The following PRKCA variants were observed in gnomAD, a reference collection of about 807,000 sequenced individuals.
PRKCA encodes protein kinase C alpha type.
PRKCA carries 27 observed loss-of-function variants against 87.0 expected under a neutral mutation model. That is an observed-to-expected ratio of 0.31 (90% confidence interval 0.23 to 0.43). The LOEUF is 0.43. PRKCA is among the 20% of genes least tolerant of loss of function. The probability of loss-of-function intolerance (pLI) is 1.00; values close to 1 mark genes in which losing one functional copy is unlikely to be tolerated. For synonymous variants in PRKCA, 329 were observed against 311.1 expected (o/e 1.06, Z -0.61); for missense variants, 518 against 852.3 (o/e 0.61, Z 4.88).
chr17:66,314,875 ATGTGTGTGTG>A (rs56889057), intron 2 of PRKCA, among the ~76,000 whole-genome samples: 6 of 148,560 alleles, frequency 4.0e-5, no homozygotes, highest in African/African-American at 1.2e-4. Flanking sequence ...ATATATATAT[ATGTGTGTGTG>A]TGTGTGTGTG....
chr17:66,566,245 AGGGAACGGGCAGATG>A (rs1055782587), intron 3 of PRKCA, among the ~76,000 whole-genome samples: 2 of 152,142 alleles, frequency 1.3e-5, no homozygotes, highest in Non-Finnish European at 1.5e-5. Flanking sequence ...GCCCCATCCC[AGGGAACGGGCAGATG>A]GGCTCTGTTG....
At chr17:66,407,457 C>T (rs1911482631) in intron 2 of PRKCA, among the ~76,000 whole-genome samples, 1 of 152,146 alleles carries the variant, frequency 6.6e-6, no homozygotes, top group African/African-American at 2.4e-5. Context: ...CCCCAGAAGC[C>T]AAGCGGAAGC....
intron 2 of PRKCA, among the ~76,000 whole-genome samples, chr17:66,407,215 T>G (rs1911465837): frequency 6.6e-6 from 1 of 152,080 alleles, no homozygotes. Flanking sequence ...AAATCTCATG[T>G]GGAACTGTGA....
chr17:66,372,655 T>C (rs1909184920), intron 2 of PRKCA, among the ~76,000 whole-genome samples: 1 of 152,224 alleles, frequency 6.6e-6, no homozygotes, highest in South Asian at 2.1e-4. Flanking sequence ...TCAGCAGTTT[T>C]CTCTGGGGAG....
chr17:66,522,648 G>A (rs1202302566), intron 3 of PRKCA, among the ~76,000 whole-genome samples: 1 of 152,038 alleles, frequency 6.6e-6, no homozygotes, highest in African/African-American at 2.4e-5. Context: ...AGCTGCCCAA[G>A]GCAAACTAGA....
At chr17:66,649,984 T>C (rs146913822) in intron 5 of PRKCA, among the ~76,000 whole-genome samples, 136 of 152,292 alleles carry the variant, frequency 8.9e-4, no homozygotes, top group African/African-American at 3.2e-3. Flanking sequence ...CTGTGGGAAT[T>C]AGCCTGGTGG....
intron 16 of PRKCA, among the ~76,000 whole-genome samples, chr17:66,795,423 A>G (rs890828434): frequency 6.6e-6 from 1 of 152,228 alleles, no homozygotes; most frequent in Admixed American, 6.5e-5. Flanking sequence ...CAGCCATTGG[A>G]GACTACAGAA....
chr17:66,793,547 GT>G, intron 16 of PRKCA, among the ~76,000 whole-genome samples: 1 of 134,740 alleles, frequency 7.4e-6, no homozygotes, highest in African/African-American at 2.7e-5. Context: ...CCCAGATTGC[GT>G]CATTGCACTA....
At chr17:66,539,537 G>A (rs1416711832) in intron 3 of PRKCA, among the ~76,000 whole-genome samples, 1 of 151,756 alleles carries the variant, frequency 6.6e-6, no homozygotes, top group Non-Finnish European at 1.5e-5. Flanking sequence ...CTGAGTAGCT[G>A]GGACTACAGG....
intron 14 of PRKCA, chr17:66,775,262 T>C: frequency 1.0e-6 from 1 of 984,904 alleles, no homozygotes; most frequent in Non-Finnish European, 1.2e-6. Flanking sequence ...CACAGGTTTC[T>C]CCTGTCCGTC....
At chr17:66,542,018 T>G (rs111293008) in intron 3 of PRKCA, among the ~76,000 whole-genome samples, 5 of 152,332 alleles carry the variant, frequency 3.3e-5, no homozygotes, top group African/African-American at 1.2e-4. Flanking sequence ...ATCAGGCAAT[T>G]GCAGAGTCCT....
chr17:66,799,890 G>C (rs922866987), intron 16 of PRKCA, among the ~76,000 whole-genome samples: 2 of 151,982 alleles, frequency 1.3e-5, no homozygotes, highest in African/African-American at 4.8e-5. Context: ...CGAATCTGGA[G>C]TAGAAATAGC....
intron 2 of PRKCA, among the ~76,000 whole-genome samples, chr17:66,446,355 G>C (rs950933657): frequency 6.6e-6 from 1 of 152,148 alleles, no homozygotes; most frequent in African/African-American, 2.4e-5. Context: ...TGGGACATGG[G>C]CCTTAAGGTG....
At chr17:66,374,751 A>T (rs2057056789) in intron 2 of PRKCA, among the ~76,000 whole-genome samples, 1 of 127,632 alleles carries the variant, frequency 7.8e-6, no homozygotes, top group Non-Finnish European at 1.6e-5. Flanking sequence ...TTTCTGAGAC[A>T]CGGTCTTGCT....
At chr17:66,595,528 C>T (rs1336387977) in intron 3 of PRKCA, among the ~76,000 whole-genome samples, 2 of 140,200 alleles carry the variant, frequency 1.4e-5, no homozygotes, top group South Asian at 2.4e-4. Context: ...GGCGCAATCT[C>T]GGCTCACTGC....
At chr17:66,546,746 C>T (rs569264035) in intron 3 of PRKCA, among the ~76,000 whole-genome samples, 51 of 152,106 alleles carry the variant, frequency 3.4e-4, no homozygotes, top group African/African-American at 4.8e-4. Context: ...GTAAAGGCTT[C>T]GAGATATTGT....
At chr17:66,781,869 A>ATC in intron 14 of PRKCA, among the ~76,000 whole-genome samples, 1 of 77,988 alleles carries the variant, frequency 1.3e-5, no homozygotes, top group Non-Finnish European at 2.7e-5. Flanking sequence ...AGAGAGAGAG[A>ATC]TATATATATA....
At chr17:66,635,146 A>G (rs893751172) in intron 3 of PRKCA, among the ~76,000 whole-genome samples, 1 of 152,216 alleles carries the variant, frequency 6.6e-6, no homozygotes, top group Admixed American at 6.5e-5. Context: ...CACAGATGAG[A>G]GACACCAAGG....
At chr17:66,447,463 C>G (rs575940618) in intron 2 of PRKCA, among the ~76,000 whole-genome samples, 1 of 152,154 alleles carries the variant, frequency 6.6e-6, no homozygotes, top group Non-Finnish European at 1.5e-5. Flanking sequence ...TTCTGAGTAG[C>G]CACCTTGGAC....
Sources: allele counts gnomAD v4.1 joint callset (sites outside exome capture counted in the v4.1 genomes callset), GRCh38; gene constraint gnomAD v4.1.1; transcripts MANE v1.5; gene names NCBI Gene and HGNC (gene_info 2026-07-23, HGNC 2026-07-21).